The following MLXIP variants were observed in gnomAD, a reference collection of about 807,000 sequenced individuals.
MLXIP encodes MLX interacting protein, also known as MLX-interacting protein.
MLXIP carries 30 observed loss-of-function variants against 87.2 expected under a neutral mutation model. The ratio of observed to expected loss-of-function variants is 0.34; its 90% confidence interval spans 0.26 to 0.47. The LOEUF is 0.47. MLXIP is among the 20% of genes least tolerant of loss of function. The probability of loss-of-function intolerance (pLI) is 1.00; values close to 1 mark genes in which losing one functional copy is unlikely to be tolerated. For missense variants in MLXIP, 1,002 were observed against 1,240.1 expected (o/e 0.81, Z 2.88); for synonymous variants, 530 against 514.0 (o/e 1.03, Z -0.42).
rs201047061 is a variant in MLXIP at position 122,130,864 on chromosome 12, A to G, written c.931A>G (p.Met311Val). 807 of 1,613,532 alleles carry G rather than the reference A, an allele frequency of 5.0e-4. No individual in the cohort carries two copies. Among genetic ancestry groups the G allele is most frequent in the Non-Finnish European group, 6.5e-4 (764 of 1,179,518 alleles). ...TGCAGCACATCTGGGAAATGCAGAC[A>G]TGATCCAGCCGGGACTGATTCCTTT... ...REIAHLGNAD[M>V]IQPGLIPLQP... The change falls in exon 7 of 17, where the codon ATG (methionine) becomes GTG (valine). Residue 311 changes from methionine (M) to valine (V), a missense_variant. By Grantham distance (21) the Met-to-Val change is conservative. Transcript: ENST00000319080.
At chr12:122,095,142 CTG>C (rs1300466434) in intron 1 of MLXIP, among the ~76,000 whole-genome samples, 4 of 115,310 alleles carry the variant, frequency 3.5e-5, no homozygotes, top group South Asian at 2.9e-4. Context: ...TGTGTGGTGT[CTG>C]TGTGCGGTGT....
Position 122,142,353 on chromosome 12 carries a change from T to G in MLXIP, c.*541T>G. The stretch of plus-strand genomic sequence containing the variant: ...CAGCCCTTGTGGATGGACTTGGGCT[T>G]CTATTCAGGCTTATGCATGGCAGGC... On this transcript the variant is annotated 3_prime_UTR_variant, in exon 17 of 17. Coordinates refer to ENST00000319080, the MANE Select transcript of MLXIP (RefSeq NM_014938.6). 3.4e-6 allele frequency: 2 copies of G among 587,902 alleles called. No homozygotes were observed. The highest frequency in any genetic ancestry group is 6.4e-6 in the Non-Finnish European group (2 of 311,832). The allele number at this position is 587,902 out of a possible 1,614,324, so 36.4% of individuals were successfully genotyped here.
Position 122,141,017 on chromosome 12 carries a change from G to A in MLXIP, c.2572G>A (p.Glu858Lys), listed in dbSNP as rs1953191735. The change falls in exon 16 of 17, where the codon GAG becomes AAG. Residue 858 changes from glutamate to lysine, a missense_variant. Glu to Lys is a moderately conservative substitution (Grantham distance 56, BLOSUM62 1). This residue lies in a region of MLXIP where 746 missense variants were observed against 897.0 expected (regional missense o/e 0.83). Transcript: ENST00000319080. Reference sequence around the variant, plus strand: ...GGGCATGGTGTCCACCAGCAGCCTGGAGGAGCTGCACCGGACGGCGCTCTC... The same window carrying A: ...GGGCATGGTGTCCACCAGCAGCCTGAAGGAGCTGCACCGGACGGCGCTCTC... ...FKGMVSTSSL[E>K]ELHRTALSWL... 1.9e-6 allele frequency: 3 copies of A among 1,613,844 alleles called. No homozygotes were observed. Among genetic ancestry groups the A allele is most frequent in the Non-Finnish European group, 2.5e-6 (3 of 1,179,914 alleles).
chr12:122,136,414 A>C (rs1163067832), intron 11 of MLXIP: 1 of 146,644 alleles, frequency 6.8e-6, no homozygotes, highest in Non-Finnish European at 1.5e-5. Context: ...GGAGTTCGAG[A>C]CCAGCCCAGC....
chr12:122,101,690 C>T (rs1321716183), intron 1 of MLXIP, among the ~76,000 whole-genome samples: 3 of 150,288 alleles, frequency 2.0e-5, no homozygotes, highest in Admixed American at 6.6e-5. Flanking sequence ...ACGCCATTCT[C>T]CTGCCGCAGC....
At chr12:122,139,974 A>G (rs1355114163) in intron 15 of MLXIP, among the ~76,000 whole-genome samples, 3 of 152,040 alleles carry the variant, frequency 2.0e-5, no homozygotes, top group African/African-American at 7.2e-5. Flanking sequence ...GTGCCCGGCC[A>G]TAAGAGGCAG....
intron 1 of MLXIP, among the ~76,000 whole-genome samples, chr12:122,093,354 T>TG (rs1952278478): frequency 7.1e-6 from 1 of 141,200 alleles, no homozygotes; most frequent in East Asian, 2.2e-4. Context: ...TTGTGTGTGT[T>TG]GGTGTGTGGT....
intron 1 of MLXIP, among the ~76,000 whole-genome samples, chr12:122,097,769 A>G (rs1952376667): frequency 6.6e-6 from 1 of 151,902 alleles, no homozygotes; most frequent in Admixed American, 6.6e-5. Flanking sequence ...GCCTGCTCCC[A>G]GCTCCCTACT....
Position 122,129,969 on chromosome 12 carries a change from A to G in MLXIP, c.767A>G (p.His256Arg). Residue 256 changes from histidine (H) to arginine (R), a missense_variant, in exon 6 of 17, where the codon CAC becomes CGC. Around this residue, in one of 3 missense-constraint regions of MLXIP, gnomAD observed 746 missense variants for 897.0 expected, o/e 0.83. Transcript: ENST00000319080. ...GATGACATGCTGTATTGGCACAAGC[A>G]CGGGGATGGATGGAAGACCCCCGTC... ...QDDDMLYWHK[H>R]GDGWKTPVPM... 1.2e-6 allele frequency: 2 copies of G among 1,613,840 alleles called. No homozygotes were observed.
chr12:122,094,202 TG>T (rs1952304646), intron 1 of MLXIP, among the ~76,000 whole-genome samples: 3 of 95,454 alleles, frequency 3.1e-5, no homozygotes, highest in East Asian at 7.0e-4. Context: ...TGTGTGTTGG[TG>T]TGTGGAGTGT....
intron 1 of MLXIP, among the ~76,000 whole-genome samples, chr12:122,087,075 G>A (rs1173716880): frequency 1.3e-5 from 2 of 152,144 alleles, no homozygotes; most frequent in South Asian, 2.1e-4. Context: ...CACTCTTGGC[G>A]GTTGTCTAAT....
In MLXIP at chr12:122,124,574, A is replaced by AGGT. The variant is rs1952848843; in HGVS notation, c.414-2680_414-2679insTGG. Among the ~76,000 whole-genome samples, 3 of 149,706 alleles carry AGGT rather than the reference A, an allele frequency of 2.0e-5. No individual in the cohort carries two copies. In the Admixed American group the frequency reaches 2.0e-4, roughly 10 times the overall value. On this transcript the variant is annotated intron_variant, in intron 1 of 16. Coordinates refer to ENST00000319080, the MANE Select transcript of MLXIP (RefSeq NM_014938.6). Reference sequence around the variant, plus strand: ...AGGTCTCTGTTCCTGGTGTTGGCAGAGGGCACCGGCGTCACCTTTTCCACC... The same window carrying AGGT: ...AGGTCTCTGTTCCTGGTGTTGGCAGAGGTGGGCACCGGCGTCACCTTTTCCACC...
rs1032335540 is a variant in MLXIP at position 122,103,034 on chromosome 12, C to T, written c.413+23768C>T. ...TACACTATTTTTTGAGACAGGGTCT[C>T]GCTCTGTCACCCAGGCTGAAGTGCA... On this transcript the variant is annotated intron_variant, in intron 1 of 16. Coordinates refer to ENST00000319080, the MANE Select transcript of MLXIP (RefSeq NM_014938.6). 4.6e-5 allele frequency among the ~76,000 whole-genome samples: 7 copies of T among 152,146 alleles called. No individual in the cohort carries two copies. The East Asian group carries it at 5.8e-4, about 13-fold the overall frequency.
At chr12:122,121,652 C>G (rs1442830847) in intron 1 of MLXIP, among the ~76,000 whole-genome samples, 1 of 152,146 alleles carries the variant, frequency 6.6e-6, no homozygotes, top group Non-Finnish European at 1.5e-5. Flanking sequence ...TTAGGGACCC[C>G]TGACCTGGCC....
At chr12:122,109,143 T>C (rs1387024865) in intron 1 of MLXIP, among the ~76,000 whole-genome samples, 4 of 152,122 alleles carry the variant, frequency 2.6e-5, no homozygotes, top group African/African-American at 9.7e-5. Flanking sequence ...ATGTTGGCCA[T>C]GCTGGTCTCG....
At chr12:122,138,641 C>T (rs1030007078) in intron 14 of MLXIP, 90 bp downstream of exon 14, 1 of 1,516,884 alleles carries the variant, frequency 6.6e-7, no homozygotes, top group Non-Finnish European at 8.8e-7. Flanking sequence ...GGCCTCATCA[C>T]TGGTCAGTGC....
At chr12:122,107,816 A>C (rs1478550803) in intron 1 of MLXIP, among the ~76,000 whole-genome samples, 1 of 151,362 alleles carries the variant, frequency 6.6e-6, no homozygotes. Flanking sequence ...ATTTGGGGGG[A>C]CATTGTCCTC....
At chr12:122,122,050 C>CCTT (rs199493208) in intron 1 of MLXIP, among the ~76,000 whole-genome samples, 76,379 of 151,734 alleles carry the variant, frequency 0.5, 19,689 homozygotes, top group Middle Eastern at 0.64. Context: ...GTGCAGTTGA[C>CCTT]CTCTGTTCTG....
At chr12:122,139,087 G>A (rs559787782) in intron 15 of MLXIP, 149 bp downstream of exon 15, 1 of 1,301,520 alleles carries the variant, frequency 7.7e-7, no homozygotes, top group African/African-American at 1.5e-5. Context: ...TATCTCGGGA[G>A]AGAGTGGTCC....
Sources: gnomAD v4.1 joint callset for allele counts (sites outside exome capture counted in the v4.1 genomes callset) on GRCh38, gnomAD v4.1.1 for gene constraint, gnomAD v4.1.1 regional missense constraint, MANE v1.5 for transcripts, NCBI Gene and HGNC (gene_info 2026-07-23, HGNC 2026-07-21) for gene names.